The following GRB2 variants were observed in gnomAD, a reference collection of about 807,000 sequenced individuals.
The protein encoded by GRB2 is growth factor receptor bound protein 2.
A neutral mutation model predicts 27.4 loss-of-function variants in GRB2; 2 were observed. The ratio of observed to expected loss-of-function variants is 0.07; its 90% confidence interval spans 0.03 to 0.23. The LOEUF (loss-of-function observed/expected upper bound fraction) is 0.23. GRB2 is among the 10% of genes least tolerant of loss of function. The pLI is 1.00. For synonymous variants in GRB2, 94 were observed against 99.6 expected (o/e 0.94, Z 0.33); for missense variants, 102 against 282.4 (o/e 0.36, Z 4.58).
At chr17:75,387,508 T>C (rs1352792045) in intron 2 of GRB2, 2 of 151,182 alleles carry the variant, frequency 1.3e-5, no homozygotes, top group Non-Finnish European at 2.9e-5. Flanking sequence ...TGATCTATAA[T>C]TTAGTAGGCT....
chr17:75,371,293 TAAAAAA>T (rs367586959), intron 2 of GRB2: 3 of 142,430 alleles, frequency 2.1e-5, no homozygotes, highest in Non-Finnish European at 4.6e-5. Flanking sequence ...AATAAAGGAA[TAAAAAA>T]AAAAAAATTC....
chr17:75,385,979 T>C (rs982337318), intron 2 of GRB2, among the ~76,000 whole-genome samples: 2 of 152,222 alleles, frequency 1.3e-5, no homozygotes, highest in South Asian at 2.1e-4. Flanking sequence ...GCCACTTTTA[T>C]GTGTTTTAAC....
intron 2 of GRB2, among the ~76,000 whole-genome samples, chr17:75,336,209 A>G (rs1307199720): frequency 1.3e-5 from 2 of 152,212 alleles, no homozygotes; most frequent in Non-Finnish European, 2.9e-5. Flanking sequence ...CTTATAAACA[A>G]TATTTATTAT....
At chr17:75,352,831 C>T (rs868475491) in intron 2 of GRB2, among the ~76,000 whole-genome samples, 3 of 151,684 alleles carry the variant, frequency 2.0e-5, no homozygotes, top group Middle Eastern at 3.5e-3. Flanking sequence ...GAATTTTCAT[C>T]ATCAAGCTCA....
chr17:75,365,315 A>G (rs1412894020), intron 2 of GRB2, among the ~76,000 whole-genome samples: 1 of 152,202 alleles, frequency 6.6e-6, no homozygotes, highest in Non-Finnish European at 1.5e-5. Flanking sequence ...ACAAAAAACA[A>G]AACCCCGAAA....
chr17:75,402,798 G>A (rs564236575), intron 1 of GRB2, among the ~76,000 whole-genome samples: 7 of 152,172 alleles, frequency 4.6e-5, no homozygotes, highest in Non-Finnish European at 8.8e-5. Context: ...CATATTGGCC[G>A]GGCGCGGTGG....
At chr17:75,328,939 A>AT (rs1182770259) in intron 3 of GRB2, among the ~76,000 whole-genome samples, 72 of 112,772 alleles carry the variant, frequency 6.4e-4, no homozygotes, top group Non-Finnish European at 9.9e-4. Context: ...CTCGCTTTCA[A>AT]AAAATAAATA....
In GRB2 at chr17:75,326,025, G is replaced by A; in HGVS notation, c.177-5C>T. ...GGGATTTTGCCAAAAAACCACCTAA[G>A]GAAGGAAGGCAAGCTGGTCAACATC... On this transcript the variant is annotated splice_region_variant and splice_polypyrimidine_tract_variant and intron_variant, in intron 3 of 5. Transcript: ENST00000316804. 1.2e-6 allele frequency: 2 copies of A among 1,614,054 alleles called. No homozygotes were observed. Among genetic ancestry groups the A allele is most frequent in the Non-Finnish European group, 8.5e-7 (1 of 1,179,998 alleles).
At chr17:75,353,948 G>A (rs1204881698) in intron 2 of GRB2, among the ~76,000 whole-genome samples, 3 of 151,590 alleles carry the variant, frequency 2.0e-5, no homozygotes, top group South Asian at 2.1e-4. Flanking sequence ...GCTGAGGCAG[G>A]AGAATTGCTT....
intron 2 of GRB2, among the ~76,000 whole-genome samples, chr17:75,377,054 C>G (rs9892166): frequency 0.56 from 84,232 of 151,388 alleles, 28,359 homozygotes; most frequent in East Asian, 0.86. Context: ...CAGTGACTCA[C>G]ATCTATAATC....
At chr17:75,358,251 A>G (rs2078747084) in intron 2 of GRB2, among the ~76,000 whole-genome samples, 1 of 152,228 alleles carries the variant, frequency 6.6e-6, no homozygotes, top group African/African-American at 2.4e-5. Flanking sequence ...ATGTGGCCAC[A>G]AGCCCTGTTA....
chr17:75,402,987 A>C (rs1489859830), intron 1 of GRB2, among the ~76,000 whole-genome samples: 2 of 143,362 alleles, frequency 1.4e-5, no homozygotes, highest in Non-Finnish European at 3.0e-5. Flanking sequence ...AGGCAGAAGA[A>C]TTGCCCGAAC....
intron 4 of GRB2, among the ~76,000 whole-genome samples, chr17:75,325,289 A>G (rs573067762): frequency 6.6e-6 from 1 of 152,194 alleles, no homozygotes; most frequent in East Asian, 1.9e-4. Flanking sequence ...CATGGAAATA[A>G]CAATTTAATT....
At chr17:75,324,269 G>C (rs1186634806) in intron 4 of GRB2, among the ~76,000 whole-genome samples, 1 of 151,546 alleles carries the variant, frequency 6.6e-6, no homozygotes, top group Admixed American at 6.6e-5. Context: ...GCACGATCTT[G>C]GCTCATCTGC....
At chr17:75,324,169 A>C (rs922235977) in intron 4 of GRB2, among the ~76,000 whole-genome samples, 10 of 149,964 alleles carry the variant, frequency 6.7e-5, no homozygotes, top group African/African-American at 2.2e-4. Context: ...ATCACACATT[A>C]AGTGGTTCTA....
In GRB2 at chr17:75,399,084, A is replaced by G. The variant is rs1474899110; in HGVS notation, c.-137-5319T>C. On this transcript the variant is annotated intron_variant, in intron 1 of 5. Transcript: ENST00000316804. ...ATTATTTGAGACAGAGTCTCGCTCT[A>G]TTGCCCAGGCTGAAGTGCAGTGGAG... is the stretch of plus-strand genomic sequence containing the variant. 3.3e-5 allele frequency among the ~76,000 whole-genome samples: 5 copies of G among 151,592 alleles called. No homozygotes were observed. In the South Asian group the frequency reaches 6.3e-4, roughly 19 times the overall value.
intron 3 of GRB2, chr17:75,326,420 A>G: frequency 1.0e-5 from 2 of 197,264 alleles, no homozygotes; most frequent in Non-Finnish European, 2.1e-5. Flanking sequence ...TCCTGCAGCC[A>G]TGTGATAAGA....
intron 2 of GRB2, chr17:75,373,197 A>C (rs1164907988): frequency 2.0e-5 from 3 of 152,246 alleles, no homozygotes; most frequent in Non-Finnish European, 4.4e-5. Context: ...CAGTGAACCA[A>C]GATCATGCCA....
chr17:75,351,280 T>G (rs1200985405), intron 2 of GRB2, among the ~76,000 whole-genome samples: 4 of 152,100 alleles, frequency 2.6e-5, no homozygotes, highest in Non-Finnish European at 4.4e-5. Context: ...AGGAACAGGG[T>G]GCACAGGACC....
Sources: gnomAD v4.1 joint callset for allele counts (sites outside exome capture counted in the v4.1 genomes callset) on GRCh38, gnomAD v4.1.1 for gene constraint, MANE v1.5 for transcripts, NCBI Gene and HGNC (gene_info 2026-07-23, HGNC 2026-07-21) for gene names.